Variants in CUX2 observed in about 807,000 individuals in gnomAD.
CUX2 encodes homeobox protein cut-like 2.
CUX2 carries 40 observed loss-of-function variants against 144.8 expected under a neutral mutation model. That is an observed-to-expected ratio of 0.28 (90% CI 0.21 to 0.36). The LOEUF (loss-of-function observed/expected upper bound fraction) is 0.36. CUX2 is among the 10% of genes least tolerant of loss of function. CUX2 has a pLI of 1.00. For missense variants in CUX2, 1,615 were observed against 1,994.0 expected, an observed-to-expected ratio of 0.81 and a Z score of 3.62; for synonymous variants, 827 against 875.6, an observed-to-expected ratio of 0.94 and a Z score of 0.98.
chr12:111,094,329 G>A (rs572263282), intron 1 of CUX2, among the ~76,000 whole-genome samples: 193 of 152,318 alleles, frequency 1.3e-3, no homozygotes, highest in African/African-American at 4.3e-3. Flanking sequence ...GGAAGGGCCC[G>A]AGAAGTGGAC....
At chr12:111,050,533 A>G (rs902366186) in intron 1 of CUX2, among the ~76,000 whole-genome samples, 1 of 152,142 alleles carries the variant, frequency 6.6e-6, no homozygotes. Context: ...TAGGGTCTTC[A>G]TCTTAGGGAT....
At chr12:111,062,306 T>C (rs1214660058) in intron 1 of CUX2, among the ~76,000 whole-genome samples, 1 of 152,232 alleles carries the variant, frequency 6.6e-6, no homozygotes, top group East Asian at 1.9e-4. Context: ...CACAGGGCTG[T>C]CCTCCTGGTT....
At chr12:111,154,145 C>G (rs1264489518) in intron 1 of CUX2, among the ~76,000 whole-genome samples, 1 of 151,878 alleles carries the variant, frequency 6.6e-6, no homozygotes, top group African/African-American at 2.4e-5. Context: ...CAACACAGTT[C>G]AGCTCTTAGC....
rs188831863 is a variant in CUX2 at position 111,287,810 on chromosome 12, G to A, written c.302-3608G>A. ...CACAGCAGAGTAAAACAGGGAAGCCGCCTTGTTCCAGCCGGACCTGAAGGC... is the reference window on the plus strand; with the variant it reads ...CACAGCAGAGTAAAACAGGGAAGCCACCTTGTTCCAGCCGGACCTGAAGGC... On this transcript the variant is annotated intron_variant, in intron 4 of 21. Transcript: ENST00000261726. The surrounding 1 kb of genome is among the most constrained non-coding windows in gnomAD (Gnocchi z 4.2). Among the ~76,000 whole-genome samples the A allele has an allele frequency of 3.7e-3, 560 of 152,320 alleles. 6 individuals carry two copies. Among genetic ancestry groups the A allele is most frequent in the African/African-American group, 0.012 (512 of 41,570 alleles).
At chr12:111,108,420 G>C (rs369455378) in intron 1 of CUX2, among the ~76,000 whole-genome samples, 1 of 152,086 alleles carries the variant, frequency 6.6e-6, no homozygotes, top group Admixed American at 6.5e-5. Context: ...AGCATGCATC[G>C]ATGCTTCTTG....
chr12:111,121,289 C>A (rs1874648752), intron 1 of CUX2, among the ~76,000 whole-genome samples: 1 of 151,376 alleles, frequency 6.6e-6, no homozygotes, highest in Admixed American at 6.6e-5. Context: ...ATGCATTAAA[C>A]ATGAGCATGG....
intron 4 of CUX2, among the ~76,000 whole-genome samples, chr12:111,269,692 A>C (rs1287192958): frequency 2.6e-5 from 4 of 152,176 alleles, no homozygotes; most frequent in African/African-American, 9.6e-5. Context: ...TGGGACCCTC[A>C]TCTTTCTGGA....
In CUX2 at chr12:111,049,196, TGAATTCATCCATCCAC is replaced by T. The variant is rs530564911; in HGVS notation, c.63+14972_63+14987del. Among the ~76,000 whole-genome samples the T allele has an allele frequency of 3.6e-3, 554 of 152,174 alleles. 3 individuals carry two copies. Among genetic ancestry groups the T allele is most frequent in the Non-Finnish European group, 5.5e-3 (377 of 67,996 alleles). ...ATTCATCCATCCATCCATCCATCCA[TGAATTCATCCATCCAC>T]GAATTCATCCATCCATCCATCCACC... On this transcript the variant is annotated intron_variant, in intron 1 of 21. Coordinates refer to ENST00000261726, the MANE Select transcript of CUX2 (RefSeq NM_015267.4).
At chr12:111,121,403 T>A (rs1475242611) in intron 1 of CUX2, among the ~76,000 whole-genome samples, 1 of 144,790 alleles carries the variant, frequency 6.9e-6, no homozygotes, top group Admixed American at 6.8e-5. Flanking sequence ...TTGAGACGGA[T>A]TCTTGCTCTA....
rs1878520011 is a variant in CUX2, at chr12:111,171,512, G to A, written c.64-42688G>A. Among the ~76,000 whole-genome samples the A allele has an allele frequency of 6.6e-6, 1 of 152,148 alleles. No individual in the cohort carries two copies. Among genetic ancestry groups the A allele is most frequent in the Non-Finnish European group, 1.5e-5 (1 of 68,032 alleles). ...TTGCTTCCTTGTTTCCATGGCTTGT[G>A]GGGAAACCCCGGTCCCGTGTCCCTG... On this transcript the variant is annotated intron_variant, in intron 1 of 21. Coordinates refer to ENST00000261726, the MANE Select transcript of CUX2 (RefSeq NM_015267.4). This position sits in a 1 kb window ranked among gnomAD's most constrained non-coding sequence, Gnocchi z 5.0.
chr12:111,132,138 C>T (rs1241839311), intron 1 of CUX2, among the ~76,000 whole-genome samples: 2 of 152,230 alleles, frequency 1.3e-5, no homozygotes, highest in East Asian at 3.9e-4. Flanking sequence ...TCCCAAACCT[C>T]AATTCTTGAC....
intron 3 of CUX2, among the ~76,000 whole-genome samples, chr12:111,220,318 A>G (rs894689009): frequency 2.6e-5 from 4 of 152,144 alleles, no homozygotes; most frequent in African/African-American, 9.7e-5. Context: ...CTGAGCTGCC[A>G]TCTGCCACTT....
chr12:111,189,982 AAC>A, intron 1 of CUX2, among the ~76,000 whole-genome samples: 1 of 152,156 alleles, frequency 6.6e-6, no homozygotes, highest in South Asian at 2.1e-4. Flanking sequence ...CATCCTTGTC[AAC>A]ACTTGGTATT....
chr12:111,039,752 G>A lies in CUX2; in HGVS notation c.63+5512G>A, dbSNP rs1300578479. ...TTGCAGTGTTGACCAGGCTGGTCTT[G>A]AAGTCCTGACCTCAAATGATCCACC... is the stretch of plus-strand genomic sequence containing the variant. On this transcript the variant is annotated intron_variant, in intron 1 of 21. Transcript: ENST00000261726. This position sits in a 1 kb window ranked among gnomAD's most constrained non-coding sequence, Gnocchi z 4.2. Among the ~76,000 whole-genome samples the A allele has an allele frequency of 6.6e-6, 1 of 152,136 alleles. No individual in the cohort carries two copies. The highest frequency in any genetic ancestry group is 1.5e-5 in the Non-Finnish European group (1 of 68,030).
intron 3 of CUX2, among the ~76,000 whole-genome samples, chr12:111,234,384 G>A (rs1181632489): frequency 2.0e-5 from 3 of 152,182 alleles, no homozygotes; most frequent in African/African-American, 7.2e-5. Context: ...TCTTCCCTGT[G>A]CTGAGCTGGC....
At chr12:111,213,124 A>G (rs893703692) in intron 1 of CUX2, among the ~76,000 whole-genome samples, 1 of 152,258 alleles carries the variant, frequency 6.6e-6, no homozygotes, top group African/African-American at 2.4e-5. Flanking sequence ...AATTTATTGC[A>G]TCACCGGATT....
intron 3 of CUX2, among the ~76,000 whole-genome samples, chr12:111,248,942 TAA>T (rs1883415080): frequency 2.0e-5 from 3 of 152,258 alleles, no homozygotes; most frequent in Non-Finnish European, 4.4e-5. Flanking sequence ...GCGCAAATCT[TAA>T]GTGTATAACT....
At chr12:111,231,202 C>T (rs1424309036) in intron 3 of CUX2, among the ~76,000 whole-genome samples, 4 of 151,938 alleles carry the variant, frequency 2.6e-5, no homozygotes, top group African/African-American at 7.3e-5. Context: ...TACTAATTCC[C>T]CCCATTCCTC....
At chr12:111,218,100 A>G (rs1194659373) in intron 3 of CUX2, among the ~76,000 whole-genome samples, 163 bp downstream of exon 3, 1 of 152,086 alleles carries the variant, frequency 6.6e-6, no homozygotes, top group Non-Finnish European at 1.5e-5. Context: ...CTCCCATCCG[A>G]ATGGTATAGT....
Sources: gnomAD v4.1 joint callset for allele counts (sites outside exome capture counted in the v4.1 genomes callset) on GRCh38, gnomAD v4.1.1 for gene constraint, Gnocchi (gnomAD v3.1) non-coding constraint, MANE v1.5 for transcripts, NCBI Gene and HGNC (gene_info 2026-07-23, HGNC 2026-07-21) for gene names.